Variants in COL24A1 observed in about 807,000 individuals in gnomAD.
COL24A1 encodes collagen type XXIV alpha 1 chain.
COL24A1 carries 224 observed loss-of-function variants against 253.9 expected under a neutral mutation model. The observed-to-expected ratio is 0.88, with a 90% CI of 0.79 to 0.99. The LOEUF is 0.99. Ranked by LOEUF, COL24A1 falls within the 50% of genes least tolerant of loss-of-function variation. The pLI is 0.00. For missense variants in COL24A1, 2,131 were observed against 2,068.5 expected (o/e 1.03, Z -0.59); for synonymous variants, 685 against 673.7 (o/e 1.02, Z -0.26).
At chr1:86,087,254 T>C (rs1183472703) in intron 7 of COL24A1, among the ~76,000 whole-genome samples, 2 of 152,290 alleles carry the variant, frequency 1.3e-5, no homozygotes, top group East Asian at 3.9e-4. Context: ...AATGCTGTTA[T>C]ATGACTTTAC....
chr1:85,920,675 G>T (rs1010993822), intron 24 of COL24A1, among the ~76,000 whole-genome samples: 1 of 152,094 alleles, frequency 6.6e-6, no homozygotes, highest in African/African-American at 2.4e-5. Context: ...CACATTAAAT[G>T]TAATGACTGG....
intron 47 of COL24A1, among the ~76,000 whole-genome samples, chr1:85,797,695 C>T (rs1319909522): frequency 6.6e-6 from 1 of 152,178 alleles, no homozygotes; most frequent in East Asian, 1.9e-4. Flanking sequence ...GATATAACAG[C>T]TGTCTCTACT....
At chr1:85,993,095 C>A (rs1006439738) in intron 19 of COL24A1, among the ~76,000 whole-genome samples, 23 of 151,572 alleles carry the variant, frequency 1.5e-4, no homozygotes, top group Non-Finnish European at 3.2e-4. Context: ...TAAAGCAAAA[C>A]CTGGGAACCG....
At chr1:85,793,758 A>G (rs1670537026) in intron 47 of COL24A1, among the ~76,000 whole-genome samples, 1 of 152,174 alleles carries the variant, frequency 6.6e-6, no homozygotes, top group African/African-American at 2.4e-5. Flanking sequence ...GAGATCATCA[A>G]TACAAATGAT....
chr1:86,058,115 C>G (rs1700793741), intron 9 of COL24A1, 140 bp from the exon 10 acceptor site: 6 of 538,406 alleles, frequency 1.1e-5, no homozygotes, highest in East Asian at 3.2e-5. Context: ...ATGAAGATTA[C>G]CAATGTTCAA....
intron 43 of COL24A1, among the ~76,000 whole-genome samples, chr1:85,829,994 G>C (rs948234570): frequency 6.6e-6 from 1 of 152,100 alleles, no homozygotes; most frequent in Non-Finnish European, 1.5e-5. Context: ...AGGAGGAGAG[G>C]CGCTCTACTT....
intron 52 of COL24A1, 136 bp from the exon 53 acceptor site, chr1:85,775,845 T>A (rs1668487371): frequency 1.5e-6 from 1 of 653,304 alleles, no homozygotes; most frequent in Non-Finnish European, 2.6e-6. Flanking sequence ...TTTGTTAAAT[T>A]GTATAAGTTC....
intron 20 of COL24A1, among the ~76,000 whole-genome samples, chr1:85,984,409 T>G (rs1011527337): frequency 6.6e-6 from 1 of 151,840 alleles, no homozygotes; most frequent in Non-Finnish European, 1.5e-5. Flanking sequence ...TTAATTATGA[T>G]TATTTTTTAT....
chr1:86,086,805 A>G (rs1703096995), intron 7 of COL24A1, among the ~76,000 whole-genome samples: 2 of 152,202 alleles, frequency 1.3e-5, no homozygotes. Flanking sequence ...AACTTGTCCC[A>G]AGCCTGCGAA....
At chr1:85,757,341 T>G (rs374618493) in intron 55 of COL24A1, among the ~76,000 whole-genome samples, 19 of 152,250 alleles carry the variant, frequency 1.2e-4, no homozygotes, top group African/African-American at 4.1e-4. Flanking sequence ...GACAGGACAT[T>G]TGTACTATGT....
chr1:86,052,132 A>G (rs1047638762), intron 10 of COL24A1, among the ~76,000 whole-genome samples: 1 of 152,140 alleles, frequency 6.6e-6, no homozygotes, highest in Non-Finnish European at 1.5e-5. Context: ...GTTTAAAAGA[A>G]ATTGAAGTAG....
intron 56 of COL24A1, 61 bp from the exon 57 acceptor site, chr1:85,744,895 G>A: frequency 7.8e-7 from 1 of 1,288,344 alleles, no homozygotes; most frequent in Non-Finnish European, 1.1e-6. Flanking sequence ...CATGGGCCAA[G>A]GCAGGAGAAG....
intron 19 of COL24A1, among the ~76,000 whole-genome samples, chr1:85,994,922 T>C (rs551620698): frequency 3.3e-5 from 5 of 152,304 alleles, no homozygotes; most frequent in African/African-American, 1.2e-4. Context: ...CAAAACCAGG[T>C]ATTTTCCATC....
intron 24 of COL24A1, among the ~76,000 whole-genome samples, chr1:85,957,328 G>A (rs947161010): frequency 6.6e-5 from 10 of 152,076 alleles, no homozygotes; most frequent in Admixed American, 4.6e-4. Flanking sequence ...TGCGCATTTT[G>A]CACATGTATC....
chr1:86,115,855 T>G (rs1297294393), intron 3 of COL24A1, among the ~76,000 whole-genome samples: 3 of 152,212 alleles, frequency 2.0e-5, no homozygotes, highest in Non-Finnish European at 4.4e-5. Context: ...ACTGTTATAA[T>G]GAAATCCTTC....
chr1:86,044,414 A>T (rs925414444), intron 12 of COL24A1, among the ~76,000 whole-genome samples: 3 of 152,214 alleles, frequency 2.0e-5, no homozygotes, highest in Non-Finnish European at 4.4e-5. Flanking sequence ...TACAGTAAAA[A>T]TGAGAAAAAG....
intron 47 of COL24A1, among the ~76,000 whole-genome samples, chr1:85,795,500 ATATT>A (rs1032166817): frequency 3.3e-5 from 5 of 152,206 alleles, no homozygotes; most frequent in African/African-American, 1.2e-4. Flanking sequence ...TAAAAATATT[ATATT>A]TAAAGTTATG....
At position 85,824,958 on chromosome 1, in the gene COL24A1, A is replaced by G. The variant is rs1457936761; in HGVS notation, c.3682-1220T>C. 8.0e-5 allele frequency among the ~76,000 whole-genome samples: 12 copies of G among 150,746 alleles called. No homozygotes were observed. In the East Asian group the frequency reaches 1.2e-3, roughly 15 times the overall value. On this transcript the variant is annotated intron_variant, in intron 43 of 59. Coordinates refer to ENST00000370571, the MANE Select transcript of COL24A1 (RefSeq NM_152890.7). The stretch of plus-strand genomic sequence containing the variant: ...ATTATTATACTTGAAGTTTTAGGGT[A>G]CATGTGCACAATGTGCAGGTTAGTT...
At chr1:85,976,612 G>A (rs114626783) in intron 20 of COL24A1, among the ~76,000 whole-genome samples, 2,394 of 152,220 alleles carry the variant, frequency 0.016, 53 homozygotes, top group African/African-American at 0.055. Context: ...CCCATCACCT[G>A]AGAAACCCAA....
Sources: gnomAD v4.1 joint callset for allele counts (sites outside exome capture counted in the v4.1 genomes callset) on GRCh38, gnomAD v4.1.1 for gene constraint, MANE v1.5 for transcripts, NCBI Gene and HGNC (gene_info 2026-07-23, HGNC 2026-07-21) for gene names.